The following PVT1 variants were observed in gnomAD, a reference collection of about 807,000 sequenced individuals.
The protein encoded by PVT1 is Pvt1 oncogene.
At chr8:127,933,936 T>A (rs137990844) in intron 3 of PVT1, among the ~76,000 whole-genome samples, 5 of 152,338 alleles carry the variant, frequency 3.3e-5, no homozygotes, top group African/African-American at 1.2e-4. Context: ...GATGGGCATT[T>A]GAAGCCTTCA....
chr8:127,827,750 A>G (rs927051811), intron 2 of PVT1, among the ~76,000 whole-genome samples: 15 of 152,058 alleles, frequency 9.9e-5, no homozygotes, highest in African/African-American at 3.1e-4. Flanking sequence ...GCCCCAGACC[A>G]TGAGTCTTGA....
Position 127,898,222 on chromosome 8 carries a change from AAAGAAAG to A in PVT1, n.782+7227_782+7233del, listed in dbSNP as rs1815711467. On this transcript the variant is annotated intron_variant and non_coding_transcript_variant, in intron 3 of 10. Transcript: ENST00000651587. This position sits in a 1 kb window ranked among gnomAD's most constrained non-coding sequence, Gnocchi z 4.4. ...GTGAAGAAAGAAGAGAAAAGAAAGA[AAAGAAAG>A]AAAGAAAGAAAGAAACGAAGGAAGG... is the stretch of plus-strand genomic sequence containing the variant. Among the ~76,000 whole-genome samples the A allele has an allele frequency of 7.2e-6, 1 of 138,634 alleles. No individual in the cohort carries two copies. The highest frequency in any genetic ancestry group is 1.5e-5 in the Non-Finnish European group (1 of 66,284). The allele number at this position is 138,634 out of a possible 152,430, so 90.9% of individuals were successfully genotyped here. A position where few individuals can be genotyped will look rare whatever the true frequency, so the allele number is the denominator to read the frequency against.
chr8:128,095,061 A>G (rs1814409609), intron 5 of PVT1, among the ~76,000 whole-genome samples: 1 of 152,040 alleles, frequency 6.6e-6, no homozygotes, highest in African/African-American at 2.4e-5. Context: ...GCGTTTTAAA[A>G]CTTGGGCTGC....
chr8:128,078,840 C>T, intron 5 of PVT1, among the ~76,000 whole-genome samples: 1 of 152,162 alleles, frequency 6.6e-6, no homozygotes, highest in East Asian at 1.9e-4. Flanking sequence ...GGCTGCCATG[C>T]AGTGGCGCAA....
chr8:127,983,332 G>T (rs1005861182), intron 3 of PVT1, among the ~76,000 whole-genome samples: 1 of 152,150 alleles, frequency 6.6e-6, no homozygotes, highest in East Asian at 1.9e-4. Context: ...ACCCTTTGTA[G>T]TTTTCTACGT....
chr8:127,795,379 GCTGCATGCGT>G (rs770395853), intron 1 of PVT1, among the ~76,000 whole-genome samples: 4 of 152,294 alleles, frequency 2.6e-5, no homozygotes, highest in Non-Finnish European at 5.9e-5. Flanking sequence ...CAGCCATGAA[GCTGCATGCGT>G]CTGTGTGTGG....
chr8:127,867,658 C>G (rs1206595893), intron 2 of PVT1, among the ~76,000 whole-genome samples: 2 of 152,138 alleles, frequency 1.3e-5, no homozygotes. Context: ...CGAGGATAGC[C>G]CCTGTGGCTG....
At chr8:127,821,040 A>T (rs1814722294) in intron 2 of PVT1, among the ~76,000 whole-genome samples, 1 of 152,160 alleles carries the variant, frequency 6.6e-6, no homozygotes, top group Non-Finnish European at 1.5e-5. Context: ...TGCAACTGGG[A>T]GCATGTTTTG....
intron 4 of PVT1, among the ~76,000 whole-genome samples, chr8:128,060,720 A>G (rs2648876): frequency 0.68 from 103,028 of 152,092 alleles, 35,175 homozygotes; most frequent in East Asian, 0.87. Flanking sequence ...TTCTCTGCCC[A>G]TTACAATTGT....
At chr8:127,840,941 T>A (rs1315596725) in intron 2 of PVT1, among the ~76,000 whole-genome samples, 2 of 152,224 alleles carry the variant, frequency 1.3e-5, no homozygotes, top group Non-Finnish European at 2.9e-5. Context: ...AGCTTCCAGT[T>A]CTGTCAGGTT....
chr8:128,093,333 G>A (rs111894234), intron 5 of PVT1, among the ~76,000 whole-genome samples: 30 of 152,176 alleles, frequency 2.0e-4, no homozygotes, highest in African/African-American at 6.3e-4. Context: ...CGAGGTGGGC[G>A]GATCACCTGA....
chr8:127,868,831 T>A (rs1815321337), intron 2 of PVT1, among the ~76,000 whole-genome samples: 5 of 10,700 alleles, frequency 4.7e-4, no homozygotes, highest in Non-Finnish European at 1.1e-3. Flanking sequence ...GTATGTATTA[T>A]CTCTTTACTT....
chr8:127,799,911 A>G (rs887818558), intron 2 of PVT1, among the ~76,000 whole-genome samples: 4 of 152,246 alleles, frequency 2.6e-5, no homozygotes, highest in African/African-American at 9.6e-5. Flanking sequence ...ATCAGAAACA[A>G]GCCCTGGCTT....
intron 2 of PVT1, among the ~76,000 whole-genome samples, chr8:127,873,353 T>G (rs1344666339): frequency 6.6e-6 from 1 of 152,208 alleles, no homozygotes; most frequent in Non-Finnish European, 1.5e-5. Context: ...TTCTTAACCT[T>G]ATTTGGAAAA....
intron 2 of PVT1, among the ~76,000 whole-genome samples, chr8:127,887,003 T>C (rs984702362): frequency 6.6e-6 from 1 of 152,206 alleles, no homozygotes; most frequent in Non-Finnish European, 1.5e-5. Context: ...GACTTCAAAT[T>C]CTGACTCCCT....
At chr8:127,929,805 G>C (rs1359294510) in intron 3 of PVT1, among the ~76,000 whole-genome samples, 2 of 152,182 alleles carry the variant, frequency 1.3e-5, no homozygotes, top group African/African-American at 4.8e-5. Context: ...TGAGTGTCAG[G>C]GAAAGACTGA....
chr8:127,844,056 C>T (rs1173259734), intron 2 of PVT1, among the ~76,000 whole-genome samples: 1 of 151,792 alleles, frequency 6.6e-6, no homozygotes, highest in Non-Finnish European at 1.5e-5. Flanking sequence ...AATCTCGGCT[C>T]ACTGCAAGCT....
At chr8:128,081,437 A>C (rs1717253152) in intron 5 of PVT1, among the ~76,000 whole-genome samples, 1 of 152,240 alleles carries the variant, frequency 6.6e-6, no homozygotes, top group Non-Finnish European at 1.5e-5. Flanking sequence ...ACATGGTGAG[A>C]CTATGTTTAG....
At chr8:128,054,235 A>C (rs543546454) in intron 4 of PVT1, among the ~76,000 whole-genome samples, 1 of 152,322 alleles carries the variant, frequency 6.6e-6, no homozygotes, top group African/African-American at 2.4e-5. Context: ...CCAGTGACTT[A>C]CTTTATTGCC....
Sources: gnomAD v4.1 joint callset for allele counts (sites outside exome capture counted in the v4.1 genomes callset) on GRCh38, gnomAD v4.1.1 for gene constraint, Gnocchi (gnomAD v3.1) non-coding constraint, MANE v1.5 for transcripts, NCBI Gene and HGNC (gene_info 2026-07-23, HGNC 2026-07-21) for gene names.